HIKESHI: variants seen among roughly 807,000 people sequenced by gnomAD.
The protein encoded by HIKESHI is heat shock protein nuclear import factor hikeshi, also known as protein Hikeshi.
Under a neutral mutation model 25.7 loss-of-function variants are expected in HIKESHI, and 13 were observed. The ratio of observed to expected loss-of-function variants is 0.51; its 90% CI spans 0.33 to 0.80. The LOEUF (loss-of-function observed/expected upper bound fraction) is 0.80. Among genes scored for constraint, HIKESHI ranks in the 30% least tolerant of loss-of-function variants. The pLI, the probability that HIKESHI is intolerant of heterozygous loss-of-function variation, is 0.02. For missense variants in HIKESHI, 174 were observed against 229.5 expected (o/e 0.76, Z 1.56); for synonymous variants, 76 against 78.7 (o/e 0.97, Z 0.18).
intron 2 of HIKESHI, among the ~76,000 whole-genome samples, chr11:86,327,539 C>T (rs1947315351): frequency 6.6e-6 from 1 of 152,114 alleles, no homozygotes; most frequent in African/African-American, 2.4e-5. Context: ...TGGTCTCGAT[C>T]TCCTGACCTC....
chr11:86,316,771 CTTTTTTTTTTTTTTTTTTTTTTT>C (rs71040229), intron 2 of HIKESHI, among the ~76,000 whole-genome samples: 23 of 68,790 alleles, frequency 3.3e-4, no homozygotes, highest in South Asian at 5.2e-4. Flanking sequence ...CTGAAACATT[CTTTTTTTTTTTTTTTTTTTTTTT>C]TTTTTTTTTT....
At chr11:86,340,409 A>G (rs1388713157) in intron 3 of HIKESHI, among the ~76,000 whole-genome samples, 1 of 152,148 alleles carries the variant, frequency 6.6e-6, no homozygotes, top group Admixed American at 6.5e-5. Context: ...CCTCTCCAGC[A>G]TCTGTTGTTT....
intron 3 of HIKESHI, 133 bp from the exon 4 acceptor site, chr11:86,344,470 C>A: frequency 1.8e-6 from 1 of 544,264 alleles, no homozygotes; most frequent in Non-Finnish European, 3.1e-6. Context: ...ACCCAGCCAG[C>A]TTTCAGCATT....
intron 2 of HIKESHI, among the ~76,000 whole-genome samples, chr11:86,333,357 G>A (rs1947469197): frequency 6.6e-6 from 1 of 152,066 alleles, no homozygotes; most frequent in Non-Finnish European, 1.5e-5. Flanking sequence ...CCAACATGGT[G>A]AAACCCCGTC....
chr11:86,310,774 G>C (rs1178404372), intron 2 of HIKESHI, among the ~76,000 whole-genome samples: 2 of 152,150 alleles, frequency 1.3e-5, no homozygotes, highest in South Asian at 2.1e-4. Flanking sequence ...TAGCATGAAG[G>C]GGTGTTGAAT....
At chr11:86,315,881 A>G (rs1317208000) in intron 2 of HIKESHI, among the ~76,000 whole-genome samples, 7 of 152,144 alleles carry the variant, frequency 4.6e-5, no homozygotes, top group Non-Finnish European at 1.0e-4. Flanking sequence ...AAAAAAACAT[A>G]TAAGACAGGA....
At position 86,302,381 on chromosome 11, in the gene HIKESHI, G is replaced by A. The variant is rs1347275670; in HGVS notation, c.-68G>A. ...CTGGAAGGTTCTTAGTCTCGACTAG[G>A]GCAGTAGCCCCAGGACTCCTAGTCG... On this transcript the variant is annotated 5_prime_UTR_variant, in exon 1 of 5. Coordinates refer to ENST00000278483, the MANE Select transcript of HIKESHI (RefSeq NM_016401.4). The A allele has an allele frequency of 1.9e-6, 3 of 1,543,726 alleles. No homozygotes were observed. The African/African-American group carries it at 4.1e-5, about 21-fold the overall frequency.
At chr11:86,339,353 C>T (rs1947659384) in intron 3 of HIKESHI, among the ~76,000 whole-genome samples, 1 of 152,174 alleles carries the variant, frequency 6.6e-6, no homozygotes, top group African/African-American at 2.4e-5. Context: ...CAGCCTGTAC[C>T]AGGCATTTCT....
At chr11:86,332,695 T>A (rs557022059) in intron 2 of HIKESHI, among the ~76,000 whole-genome samples, 1 of 152,242 alleles carries the variant, frequency 6.6e-6, no homozygotes, top group Admixed American at 6.5e-5. Flanking sequence ...AGAGTAGAAG[T>A]TGGCAAACTT....
At chr11:86,310,714 C>T (rs1377203044) in intron 2 of HIKESHI, among the ~76,000 whole-genome samples, 1 of 152,026 alleles carries the variant, frequency 6.6e-6, no homozygotes, top group Non-Finnish European at 1.5e-5. Context: ...ATAAATAGCT[C>T]TTATTATTTT....
At chr11:86,313,955 G>A (rs995672745) in intron 2 of HIKESHI, among the ~76,000 whole-genome samples, 1 of 152,162 alleles carries the variant, frequency 6.6e-6, no homozygotes. Context: ...ATTGACATCA[G>A]GGTATATGTG....
At chr11:86,306,560 T>C (rs11822824) in intron 2 of HIKESHI, 78 bp downstream of exon 2, 52,958 of 832,960 alleles carry the variant, frequency 0.064, 2,415 homozygotes, top group African/African-American at 0.18. Flanking sequence ...ATATGACTTT[T>C]CCCCCTTTAG....
intron 2 of HIKESHI, among the ~76,000 whole-genome samples, chr11:86,327,732 G>A (rs548064807): frequency 6.6e-6 from 1 of 152,220 alleles, no homozygotes; most frequent in Admixed American, 6.5e-5. Flanking sequence ...TATGTTATAT[G>A]GCAATACTGT....
intron 2 of HIKESHI, among the ~76,000 whole-genome samples, chr11:86,320,600 A>G (rs995020599): frequency 1.3e-5 from 2 of 152,178 alleles, no homozygotes; most frequent in African/African-American, 2.4e-5. Flanking sequence ...AAGAAAATTT[A>G]TTTTTTATTA....
chr11:86,321,810 G>A (rs1281557623), intron 2 of HIKESHI, among the ~76,000 whole-genome samples: 1 of 152,130 alleles, frequency 6.6e-6, no homozygotes, highest in Non-Finnish European at 1.5e-5. Context: ...GATTACAGAC[G>A]CGAGTCTCCA....
chr11:86,328,384 G>C (rs1480337980), intron 2 of HIKESHI, among the ~76,000 whole-genome samples: 1 of 150,612 alleles, frequency 6.6e-6, no homozygotes, highest in Non-Finnish European at 1.5e-5. Flanking sequence ...TCAGCTTCCT[G>C]AGTAGCTGGG....
chr11:86,313,485 G>A (rs1015718394), intron 2 of HIKESHI, among the ~76,000 whole-genome samples: 3 of 152,164 alleles, frequency 2.0e-5, no homozygotes, highest in African/African-American at 7.2e-5. Flanking sequence ...ACCCACCTCA[G>A]CCTCCCAAAG....
intron 2 of HIKESHI, among the ~76,000 whole-genome samples, chr11:86,333,081 A>G (rs1947462732): frequency 6.6e-6 from 1 of 152,234 alleles, no homozygotes; most frequent in Non-Finnish European, 1.5e-5. Context: ...TATTAGACAA[A>G]TCAGAAAATG....
intron 2 of HIKESHI, among the ~76,000 whole-genome samples, chr11:86,310,042 A>ACTG: frequency 6.7e-6 from 1 of 148,458 alleles, no homozygotes; most frequent in Non-Finnish European, 1.5e-5. Context: ...TTGTCTTGGC[A>ACTG]ATGCAGGCTC....
Sources: gnomAD v4.1 joint callset for allele counts (sites outside exome capture counted in the v4.1 genomes callset) on GRCh38, gnomAD v4.1.1 for gene constraint, MANE v1.5 for transcripts, NCBI Gene and HGNC (gene_info 2026-07-23, HGNC 2026-07-21) for gene names.